The following DNAI2 variants were observed in gnomAD, a reference collection of about 807,000 sequenced individuals.
DNAI2 encodes dynein, axonemal, intermediate polypeptide 2.
In DNAI2, 63 loss-of-function variants were observed where a neutral mutation model predicts 74.7. That is an observed-to-expected ratio of 0.84 (90% CI 0.69 to 1.04). The LOEUF (loss-of-function observed/expected upper bound fraction) is 1.04, where lower values mean the gene tolerates loss of function less well. Among genes scored for constraint, DNAI2 ranks in the 50% least tolerant of loss-of-function variants. The probability of loss-of-function intolerance (pLI) is 0.00; values close to 1 mark genes in which losing one functional copy is unlikely to be tolerated. For synonymous variants in DNAI2, 289 were observed against 314.9 expected, an observed-to-expected ratio of 0.92 and a Z score of 0.87; for missense variants, 688 against 803.2, an observed-to-expected ratio of 0.86 and a Z score of 1.73.
At chr17:74,282,101 G>A (rs764283914) in intron 2 of DNAI2, 101 bp downstream of exon 2, 5 of 1,381,312 alleles carry the variant, frequency 3.6e-6, no homozygotes, top group African/African-American at 2.8e-5. Flanking sequence ...CCACCTGAAA[G>A]CCAGTTAGAG....
Position 74,281,956 on chromosome 17 carries a change from G to A in DNAI2, c.139G>A (p.Val47Met). The change falls in exon 2 of 14, where the codon GTG (valine) becomes ATG (methionine). Residue 47 changes from valine to methionine, a missense_variant. Transcript: ENST00000311014. The stretch of plus-strand genomic sequence containing the variant: ...CGAGCAGTTCGTGGAGCGGAACCCA[G>A]TGGACACGGGCATCCAGTGCTCGAT... Reference protein sequence around the residue: ...LAEQFVERNPVDTGIQCSISM... With the variant: ...LAEQFVERNPMDTGIQCSISM... 6.2e-7 allele frequency: 1 copy of A among 1,614,184 alleles called. No homozygotes were observed. The highest frequency in any genetic ancestry group is 8.5e-7 in the Non-Finnish European group (1 of 1,180,030).
chr17:74,296,311 AAGAG>A (rs143184350), intron 6 of DNAI2, among the ~76,000 whole-genome samples: 34 of 102,224 alleles, frequency 3.3e-4, no homozygotes, highest in South Asian at 1.4e-3. Flanking sequence ...CTTGCCTTTA[AAGAG>A]AGAGAGAGAG....
chr17:74,292,804 A>G (rs1192570326), intron 6 of DNAI2, among the ~76,000 whole-genome samples: 2 of 150,032 alleles, frequency 1.3e-5, no homozygotes, highest in Middle Eastern at 3.5e-3. Context: ...TGAGAAGACT[A>G]TATTCTGCTT....
Position 74,314,366 on chromosome 17 carries a change from C to T in DNAI2, c.*55+95C>T, listed in dbSNP as rs2053706338. On this transcript the variant is annotated intron_variant, in intron 13 of 13. Transcript: ENST00000311014. ...GCATCGGGCCCTGACTCCCCAGCCC[C>T]TACAAATCACTAGCCCCCACTGACT... 3 of 1,473,224 alleles carry T rather than the reference C, an allele frequency of 2.0e-6. No individual in the cohort carries two copies. The Admixed American group carries it at 5.1e-5, about 25-fold the overall frequency. The allele number at this position is 1,473,224 out of a possible 1,614,324, so 91.3% of individuals were successfully genotyped here.
intron 6 of DNAI2, among the ~76,000 whole-genome samples, chr17:74,294,325 T>C (rs1317295290): frequency 6.6e-6 from 1 of 151,742 alleles, no homozygotes; most frequent in African/African-American, 2.4e-5. Context: ...TCTTTTTTTT[T>C]TAGAGACAAG....
At chr17:74,281,593 A>G (rs1343624376) in intron 1 of DNAI2, 1 of 603,488 alleles carries the variant, frequency 1.7e-6, no homozygotes, top group Non-Finnish European at 2.9e-6. Flanking sequence ...AGCAACTGCA[A>G]TAACTAAACA....
chr17:74,305,099 G>C, intron 8 of DNAI2, 120 bp from the exon 9 acceptor site: 1 of 1,017,090 alleles, frequency 9.8e-7, no homozygotes, highest in South Asian at 1.4e-5. Context: ...CCTTGCCAAG[G>C]CTTGATCTGA....
At chr17:74,275,716 G>C (rs1217616596) in intron 1 of DNAI2, among the ~76,000 whole-genome samples, 1 of 150,770 alleles carries the variant, frequency 6.6e-6, no homozygotes, top group African/African-American at 2.5e-5. Flanking sequence ...GACAGACTGA[G>C]ACTCCGTCTC....
At chr17:74,277,217 T>C (rs948119700) in intron 1 of DNAI2, among the ~76,000 whole-genome samples, 3 of 151,912 alleles carry the variant, frequency 2.0e-5, no homozygotes, top group Admixed American at 1.3e-4. Flanking sequence ...TGAAACCCTG[T>C]CTCTACTAAA....
chr17:74,312,052 G>A lies in DNAI2; in HGVS notation c.1544G>A (p.Arg515Gln), dbSNP rs769115235. 8.1e-6 allele frequency: 13 copies of A among 1,612,246 alleles called. No individual in the cohort carries two copies. Among genetic ancestry groups the A allele is most frequent in the Admixed American group, 3.3e-5 (2 of 60,004 alleles). ...RREKILEARHREMRLKEKGKA... is the reference protein window; with the variant it reads ...RREKILEARHQEMRLKEKGKA... The stretch of plus-strand genomic sequence containing the variant: ...GAGAAGATCCTGGAGGCCAGGCACC[G>A]GGAGATGCGGCTGAAGGAGAAGGGT... Residue 515 changes from arginine to glutamine, a missense_variant, in exon 12 of 14, where the codon CGG becomes CAG. By Grantham distance (43) the Arg-to-Gln change is conservative. Transcript: ENST00000311014.
intron 5 of DNAI2, among the ~76,000 whole-genome samples, chr17:74,290,419 A>T (rs1449303129): frequency 6.6e-6 from 1 of 152,198 alleles, no homozygotes; most frequent in East Asian, 1.9e-4. Flanking sequence ...ACTTGCCTTT[A>T]ATTCATGGCC....
intron 2 of DNAI2, among the ~76,000 whole-genome samples, chr17:74,284,338 G>A (rs2051571886): frequency 6.6e-6 from 1 of 152,160 alleles, no homozygotes; most frequent in South Asian, 2.1e-4. Flanking sequence ...TTCAATTTTT[G>A]TGACACTGAC....
At position 74,283,864 on chromosome 17, in the gene DNAI2, G is replaced by A. The variant is rs954914055; in HGVS notation, c.184-1176G>A. 4.6e-5 allele frequency among the ~76,000 whole-genome samples: 7 copies of A among 152,230 alleles called. 1 individual carries two copies. The highest frequency in any genetic ancestry group is 1.3e-4 in the Admixed American group (2 of 15,292). ...GAAGTCAAAGCTGTACTGGCCGGGC[G>A]CAGTGGCTCATGCCTGTAATCCCAG... On this transcript the variant is annotated intron_variant, in intron 2 of 13. Transcript: ENST00000311014.
intron 7 of DNAI2, 98 bp downstream of exon 7, chr17:74,299,955 C>T (rs2052665908): frequency 3.3e-6 from 5 of 1,537,196 alleles, no homozygotes; most frequent in Middle Eastern, 1.8e-4. Context: ...TCCTTTAACA[C>T]ATTTTATTTT....
rs367814265 is a variant in DNAI2, at chr17:74,286,671, C to T, written c.346-306C>T. On this transcript the variant is annotated intron_variant, in intron 3 of 13. Transcript: ENST00000311014. ...AACTCCTGACCTCAAGTGATCCACC[C>T]GCTTCGGCCTCCCAAAGTGCTGGGA... Among the ~76,000 whole-genome samples the T allele has an allele frequency of 7.5e-4, 114 of 152,228 alleles. 2 individuals are homozygous for T. The East Asian group carries it at 0.018, about 24-fold the overall frequency.
At chr17:74,312,780 G>A (rs1432535310) in intron 12 of DNAI2, among the ~76,000 whole-genome samples, 2 of 152,190 alleles carry the variant, frequency 1.3e-5, no homozygotes, top group Non-Finnish European at 2.9e-5. Context: ...ATTTCCATCT[G>A]GAAAATGAGG....
chr17:74,308,107 T>G (rs186361351), intron 9 of DNAI2, among the ~76,000 whole-genome samples: 2 of 152,222 alleles, frequency 1.3e-5, no homozygotes, highest in African/African-American at 4.8e-5. Context: ...CCAGATCCTT[T>G]CTTTAGTCTT....
At position 74,311,898 on chromosome 17, in the gene DNAI2, G is replaced by A. The variant is rs189145513; in HGVS notation, c.1495-105G>A. 9 of 1,063,640 alleles carry A rather than the reference G, an allele frequency of 8.5e-6. No homozygotes were observed. In the Admixed American group the frequency reaches 1.2e-4, roughly 14 times the overall value. 65.9% of individuals were successfully genotyped at this position (1,063,640 alleles called of 1,614,324 possible). ...GACCTCTACAGTACAGGGACTGTAT[G>A]GAGAGCAAGGAGAGCTCAGCAGAAG... On this transcript the variant is annotated intron_variant, in intron 11 of 13. Transcript: ENST00000311014.
chr17:74,310,288 G>T, intron 11 of DNAI2, 125 bp downstream of exon 11: 1 of 1,324,228 alleles, frequency 7.6e-7, no homozygotes, highest in Non-Finnish European at 1.0e-6. Flanking sequence ...TGCACATTTT[G>T]GGGGAAGCAG....
Sources: gnomAD v4.1 joint callset for allele counts (sites outside exome capture counted in the v4.1 genomes callset) on GRCh38, gnomAD v4.1.1 for gene constraint, MANE v1.5 for transcripts, NCBI Gene and HGNC (gene_info 2026-07-23, HGNC 2026-07-21) for gene names.